The following TSNARE1 variants were observed in gnomAD, a reference collection of about 807,000 sequenced individuals.
The protein encoded by TSNARE1 is t-SNARE domain-containing protein 1.
Under a neutral mutation model 62.0 loss-of-function variants are expected in TSNARE1, and 49 were observed. The ratio of observed to expected loss-of-function variants is 0.79; its 90% CI spans 0.63 to 1.00. TSNARE1 has a LOEUF of 1.00. Among genes scored for constraint, TSNARE1 ranks in the 50% least tolerant of loss-of-function variants. The probability of loss-of-function intolerance (pLI) is 0.00; values close to 1 mark genes in which losing one functional copy is unlikely to be tolerated. For missense variants in TSNARE1, 755 were observed against 700.1 expected (o/e 1.08, Z -0.88); for synonymous variants, 328 against 294.4 (o/e 1.11, Z -1.17).
At chr8:142,386,203 T>C (rs911592928) in intron 1 of TSNARE1, among the ~76,000 whole-genome samples, 1 of 152,216 alleles carries the variant, frequency 6.6e-6, no homozygotes, top group Non-Finnish European at 1.5e-5. Flanking sequence ...CCTTTTGCCA[T>C]GTAACATGAC....
chr8:142,220,095 T>C (rs1490144072), intron 13 of TSNARE1, among the ~76,000 whole-genome samples: 21 of 152,068 alleles, frequency 1.4e-4, no homozygotes, highest in Non-Finnish European at 5.9e-5. Flanking sequence ...CAAAGCAGAG[T>C]GCCTGCAGGG....
rs76002540 is a variant in TSNARE1 at position 142,276,530 on chromosome 8, G to A, written c.1364-1667C>T. On this transcript the variant is annotated intron_variant, in intron 11 of 13. Transcript: ENST00000524325. The stretch of plus-strand genomic sequence containing the variant: ...CTGAGAGGTGAATGTGGACAGTGGA[G>A]AGCATTTGCCAGCAGAGACAGGAAG... 3.9e-3 allele frequency: 3,845 copies of A among 985,482 alleles called. 11 individuals are homozygous for A. The highest frequency in any genetic ancestry group is 4.3e-3 in the Non-Finnish European group (3,544 of 829,944). 61.0% of individuals were successfully genotyped at this position (985,482 alleles called of 1,614,324 possible).
chr8:142,333,823 G>A (rs1190374084), intron 4 of TSNARE1, among the ~76,000 whole-genome samples: 1 of 152,252 alleles, frequency 6.6e-6, no homozygotes, highest in Non-Finnish European at 1.5e-5. Flanking sequence ...AAGGCCTGGA[G>A]AAAGGAGGAA....
intron 9 of TSNARE1, among the ~76,000 whole-genome samples, chr8:142,302,850 C>A (rs1312286666): frequency 6.6e-6 from 1 of 152,152 alleles, no homozygotes; most frequent in Non-Finnish European, 1.5e-5. Flanking sequence ...CCCACTGGAC[C>A]CTGCTGGCCT....
chr8:142,261,755 A>G (rs1426718826), intron 12 of TSNARE1, among the ~76,000 whole-genome samples: 1 of 152,148 alleles, frequency 6.6e-6, no homozygotes, highest in Non-Finnish European at 1.5e-5. Context: ...AAGGCAGCTC[A>G]CGGGCATAGA....
chr8:142,238,030 G>A (rs776522919), intron 12 of TSNARE1, among the ~76,000 whole-genome samples: 5 of 151,940 alleles, frequency 3.3e-5, no homozygotes, highest in Non-Finnish European at 7.4e-5. Flanking sequence ...GGGAGGCAGC[G>A]GCTCCCTCAC....
chr8:142,273,630 T>C, intron 12 of TSNARE1: 1 of 985,248 alleles, frequency 1.0e-6, no homozygotes, highest in Non-Finnish European at 1.2e-6. Flanking sequence ...ACCTTCTGAG[T>C]CTCATGGCCC....
At chr8:142,275,266 G>C in intron 11 of TSNARE1, 1 of 985,430 alleles carries the variant, frequency 1.0e-6, no homozygotes, top group Non-Finnish European at 1.2e-6. Flanking sequence ...CTGCCTTAAC[G>C]TCTGTGGAGT....
chr8:142,232,588 C>T (rs1359290472), intron 12 of TSNARE1, among the ~76,000 whole-genome samples: 1 of 152,224 alleles, frequency 6.6e-6, no homozygotes, highest in African/African-American at 2.4e-5. Flanking sequence ...CCCGAGGGAG[C>T]ACCTGCGGAA....
intron 5 of TSNARE1, 70 bp from the exon 6 acceptor site, chr8:142,331,040 G>T: frequency 7.0e-7 from 1 of 1,429,030 alleles, no homozygotes; most frequent in South Asian, 1.2e-5. Context: ...CCATATGGGT[G>T]GCCCCACTGC....
At chr8:142,393,574 G>T (rs1837695714) in intron 1 of TSNARE1, among the ~76,000 whole-genome samples, 1 of 152,242 alleles carries the variant, frequency 6.6e-6, no homozygotes, top group Non-Finnish European at 1.5e-5. Flanking sequence ...TTTACAAAAA[G>T]ATCCTGAGAT....
intron 12 of TSNARE1, among the ~76,000 whole-genome samples, chr8:142,230,591 G>T (rs995691448): frequency 6.6e-6 from 1 of 152,142 alleles, no homozygotes; most frequent in Non-Finnish European, 1.5e-5. Flanking sequence ...CTAGGGGAGG[G>T]TAGAGAAGGG....
chr8:142,402,510 G>A, intron 1 of TSNARE1, among the ~76,000 whole-genome samples: 1 of 152,324 alleles, frequency 6.6e-6, no homozygotes, highest in Middle Eastern at 3.4e-3. Flanking sequence ...GAGTTTCTGC[G>A]GGGGCAGCAC....
intron 6 of TSNARE1, among the ~76,000 whole-genome samples, chr8:142,323,824 C>G (rs1447913657): frequency 6.6e-6 from 1 of 152,152 alleles, no homozygotes; most frequent in Admixed American, 6.5e-5. Context: ...GTCTCACTTC[C>G]CCATCCATCC....
chr8:142,212,807 TCCC>T (rs78538097), intron 13 of TSNARE1, among the ~76,000 whole-genome samples: 103,826 of 116,356 alleles, frequency 0.89, 46,014 homozygotes, highest in Non-Finnish European at 0.92. Context: ...CTCCAATCCT[TCCC>T]CCCCCTGTCC....
At chr8:142,349,737 C>G (rs1833846073) in intron 2 of TSNARE1, among the ~76,000 whole-genome samples, 1 of 152,220 alleles carries the variant, frequency 6.6e-6, no homozygotes, top group African/African-American at 2.4e-5. Flanking sequence ...AGCGGCCCTG[C>G]CCGAGCTTCA....
chr8:142,315,808 G>C (rs1828438207), intron 7 of TSNARE1, among the ~76,000 whole-genome samples: 1 of 152,218 alleles, frequency 6.6e-6, no homozygotes, highest in Admixed American at 6.5e-5. Context: ...AGGCGGGCTG[G>C]TCTGGGGTAA....
intron 1 of TSNARE1, among the ~76,000 whole-genome samples, chr8:142,376,652 C>A (rs77959846): frequency 0.034 from 5,252 of 152,260 alleles, 181 homozygotes; most frequent in African/African-American, 0.08. Context: ...TGTTCACCAG[C>A]CTGAATGGAC....
intron 1 of TSNARE1, among the ~76,000 whole-genome samples, chr8:142,366,632 A>G (rs1055075579): frequency 6.6e-6 from 1 of 152,186 alleles, no homozygotes; most frequent in African/African-American, 2.4e-5. Flanking sequence ...GCTGTCTTAT[A>G]ATGATAAAAT....
Sources: gnomAD v4.1 joint callset for allele counts (sites outside exome capture counted in the v4.1 genomes callset) on GRCh38, gnomAD v4.1.1 for gene constraint, MANE v1.5 for transcripts, NCBI Gene and HGNC (gene_info 2026-07-23, HGNC 2026-07-21) for gene names.